PTPRD: variants seen among roughly 807,000 people sequenced by gnomAD.
PTPRD encodes the protein protein tyrosine phosphatase receptor type D.
In PTPRD, 34 loss-of-function variants were observed where a neutral mutation model predicts 214.5. That is an observed-to-expected ratio of 0.16 (90% CI 0.12 to 0.21). PTPRD has a LOEUF of 0.21. PTPRD is among the 10% of genes least tolerant of loss of function. The probability of loss-of-function intolerance (pLI) is 1.00; values close to 1 mark genes in which losing one functional copy is unlikely to be tolerated. For missense variants in PTPRD, 2,545 were observed against 2,398.7 expected (o/e 1.06, Z -1.27); for synonymous variants, 1,128 against 845.7 (o/e 1.33, Z -5.79).
chr9:9,028,880 C>A (rs437414), intron 10 of PTPRD, among the ~76,000 whole-genome samples: 71,653 of 151,076 alleles, frequency 0.47, 19,094 homozygotes, highest in Non-Finnish European at 0.62. Context: ...TATTTAATTA[C>A]GATCGAAGGA....
chr9:9,929,308 C>T (rs1011325534), intron 5 of PTPRD, among the ~76,000 whole-genome samples: 18 of 152,184 alleles, frequency 1.2e-4, no homozygotes, highest in Non-Finnish European at 2.4e-4. Flanking sequence ...TCTACTCAGT[C>T]AACCTGGGCA....
At chr9:9,635,022 T>C (rs1172404382) in intron 7 of PTPRD, among the ~76,000 whole-genome samples, 2 of 152,300 alleles carry the variant, frequency 1.3e-5, no homozygotes, top group African/African-American at 2.4e-5. Context: ...TTCAACAATA[T>C]ATTGAGTGAA....
intron 35 of PTPRD, among the ~76,000 whole-genome samples, chr9:8,426,278 G>C (rs1009043189): frequency 1.3e-5 from 2 of 152,104 alleles, no homozygotes; most frequent in Non-Finnish European, 2.9e-5. Flanking sequence ...AAAGCAACTG[G>C]CTCAGGATCA....
intron 5 of PTPRD, among the ~76,000 whole-genome samples, chr9:9,897,322 A>G (rs1291427729): frequency 1.3e-5 from 2 of 152,094 alleles, no homozygotes; most frequent in Non-Finnish European, 2.9e-5. Flanking sequence ...ACTTTAAACC[A>G]AAGAATATAT....
chr9:8,657,705 T>C (rs2096941031), intron 12 of PTPRD, among the ~76,000 whole-genome samples: 1 of 152,202 alleles, frequency 6.6e-6, no homozygotes, highest in Non-Finnish European at 1.5e-5. Context: ...ATGAAATCTT[T>C]GCCCGTGCCT....
intron 3 of PTPRD, among the ~76,000 whole-genome samples, chr9:10,176,936 G>A (rs1170533481): frequency 1.3e-5 from 2 of 151,880 alleles, no homozygotes; most frequent in East Asian, 1.9e-4. Flanking sequence ...AGCAAGCACA[G>A]CATATTTATT....
chr9:8,514,163 T>C (rs1302221016), intron 21 of PTPRD, among the ~76,000 whole-genome samples: 3 of 152,066 alleles, frequency 2.0e-5, no homozygotes, highest in Non-Finnish European at 4.4e-5. Flanking sequence ...TGTCCACTGG[T>C]CATATAAAAA....
At chr9:9,581,514 A>T (rs1247750563) in intron 7 of PTPRD, among the ~76,000 whole-genome samples, 1 of 152,170 alleles carries the variant, frequency 6.6e-6, no homozygotes, top group East Asian at 1.9e-4. Context: ...AATTGTAGGC[A>T]ACATATTTGG....
intron 5 of PTPRD, among the ~76,000 whole-genome samples, chr9:9,923,661 A>T (rs906389534): frequency 6.6e-6 from 1 of 152,020 alleles, no homozygotes; most frequent in Non-Finnish European, 1.5e-5. Flanking sequence ...TCTTTTCATA[A>T]TTGTGAGCAA....
intron 21 of PTPRD, among the ~76,000 whole-genome samples, chr9:8,510,794 C>T (rs1389929487): frequency 1.3e-5 from 2 of 152,012 alleles, no homozygotes; most frequent in Non-Finnish European, 2.9e-5. Context: ...GCTGAGGACA[C>T]AAAGGAATTT....
intron 9 of PTPRD, among the ~76,000 whole-genome samples, chr9:9,205,564 T>C (rs548586796): frequency 6.6e-6 from 1 of 152,290 alleles, no homozygotes; most frequent in East Asian, 1.9e-4. Context: ...ATTAAGACAG[T>C]CTTCTTTCTT....
chr9:10,604,221 C>CAGCA (rs895657712), intron 2 of PTPRD, among the ~76,000 whole-genome samples: 5 of 151,782 alleles, frequency 3.3e-5, no homozygotes, highest in African/African-American at 1.2e-4. Context: ...CTGTATTCAG[C>CAGCA]AGCATTTGAT....
At chr9:10,480,021 T>C (rs1028059573) in intron 2 of PTPRD, among the ~76,000 whole-genome samples, 4 of 152,292 alleles carry the variant, frequency 2.6e-5, no homozygotes, top group East Asian at 3.9e-4. Flanking sequence ...ATCAGGAAGA[T>C]ATGAATGATT....
At chr9:10,425,290 A>G (rs72698987) in intron 2 of PTPRD, among the ~76,000 whole-genome samples, 1,714 of 152,102 alleles carry the variant, frequency 0.011, 21 homozygotes, top group Middle Eastern at 0.017. Context: ...AAAATCCAAT[A>G]ATGTTTCAGC....
At chr9:9,269,084 TG>T (rs1374141132) in intron 9 of PTPRD, among the ~76,000 whole-genome samples, 1 of 150,968 alleles carries the variant, frequency 6.6e-6, no homozygotes, top group East Asian at 2.0e-4. Context: ...ATCTACGGAA[TG>T]GGAAAAAATA....
intron 7 of PTPRD, among the ~76,000 whole-genome samples, chr9:9,647,442 T>A (rs184061435): frequency 1.9e-4 from 29 of 152,320 alleles, no homozygotes; most frequent in African/African-American, 5.3e-4. Flanking sequence ...CAGAATGTTA[T>A]CTTTAGGTGT....
chr9:9,927,526 G>C (rs1046474453), intron 5 of PTPRD, among the ~76,000 whole-genome samples: 15 of 152,026 alleles, frequency 9.9e-5, no homozygotes, highest in African/African-American at 3.4e-4. Context: ...TTACTGGTCT[G>C]TCTTCTGGAA....
At position 8,315,160 on chromosome 9, in the gene PTPRD, T is replaced by C; in HGVS notation, c.*2714A>G. On this transcript the variant is annotated 3_prime_UTR_variant, in exon 46 of 46. Transcript: ENST00000381196. ...TGGGAAATTAAAACTTGAATGGTTG[T>C]ACAGAAAAGCACAGAGTGGAATGCA... 2 of 232,712 alleles carry C rather than the reference T, an allele frequency of 8.6e-6. No individual in the cohort carries two copies. Among genetic ancestry groups the C allele is most frequent in the African/African-American group, 2.2e-5 (1 of 45,376 alleles). 14.4% of individuals were successfully genotyped at this position (232,712 alleles called of 1,614,324 possible). A position where few individuals can be genotyped will look rare whatever the true frequency, so the allele number is the denominator to read the frequency against.
intron 10 of PTPRD, among the ~76,000 whole-genome samples, chr9:9,109,846 G>A (rs940072941): frequency 1.3e-5 from 2 of 152,126 alleles, no homozygotes; most frequent in Non-Finnish European, 2.9e-5. Flanking sequence ...GTCTGGGGAT[G>A]TGCCAGGAAT....
Sources: allele counts gnomAD v4.1 joint callset (sites outside exome capture counted in the v4.1 genomes callset), GRCh38; gene constraint gnomAD v4.1.1; transcripts MANE v1.5; gene names NCBI Gene and HGNC (gene_info 2026-07-23, HGNC 2026-07-21).